Variants in PCDH15 observed in about 807,000 individuals in gnomAD.
PCDH15 encodes the protein protocadherin related 15.
A neutral mutation model predicts 178.5 loss-of-function variants in PCDH15; 129 were observed. The ratio of observed to expected loss-of-function variants is 0.72; its 90% CI spans 0.63 to 0.84. The LOEUF (loss-of-function observed/expected upper bound fraction) is 0.84, where lower values mean the gene tolerates loss of function less well. Among genes scored for constraint, PCDH15 ranks in the 40% least tolerant of loss-of-function variants. The pLI is 0.00. For missense variants in PCDH15, 2,230 were observed against 2,099.9 expected (o/e 1.06, Z -1.21); for synonymous variants, 800 against 732.0 (o/e 1.09, Z -1.50).
At chr10:54,505,103 T>A (rs182194722) in intron 3 of PCDH15, among the ~76,000 whole-genome samples, 1 of 152,226 alleles carries the variant, frequency 6.6e-6, no homozygotes, top group Non-Finnish European at 1.5e-5. Flanking sequence ...TTATAGTGAC[T>A]GTACCCAAAT....
At chr10:53,929,144 G>A (rs2084824595) in intron 25 of PCDH15, among the ~76,000 whole-genome samples, 1 of 151,860 alleles carries the variant, frequency 6.6e-6, no homozygotes, top group African/African-American at 2.4e-5. Context: ...AACCAATTTG[G>A]GATCAATGGA....
rs542736539 is a variant in PCDH15 at position 54,513,245 on chromosome 10, A to G, written c.157+14567T>C. ...TATTCCATTTCATTTATTTTTGTTT[A>G]TTTATTTATTTATTTATTTATTTAT... On this transcript the variant is annotated intron_variant, in intron 3 of 37. Coordinates refer to ENST00000644397, the MANE Select transcript of PCDH15 (RefSeq NM_001384140.1). 1.0e-2 allele frequency among the ~76,000 whole-genome samples: 973 copies of G among 97,732 alleles called. 4 individuals are homozygous for G. The highest frequency in any genetic ancestry group is 0.016 in the Non-Finnish European group (672 of 41,096). The allele number at this position is 97,732 out of a possible 152,430, so 64.1% of individuals were successfully genotyped here. A position where few individuals can be genotyped will look rare whatever the true frequency, so the allele number is the denominator to read the frequency against.
At chr10:54,962,134 T>C (rs1295768492) in intron 2 of PCDH15, among the ~76,000 whole-genome samples, 1 of 152,224 alleles carries the variant, frequency 6.6e-6, no homozygotes, top group African/African-American at 2.4e-5. Flanking sequence ...TGAAAGGAGC[T>C]GTAACACTTG....
intron 8 of PCDH15, among the ~76,000 whole-genome samples, chr10:54,296,367 G>A (rs1447718641): frequency 1.3e-5 from 2 of 151,866 alleles, no homozygotes. Flanking sequence ...CAACAAGTTG[G>A]TTGACCCTGA....
chr10:54,001,645 G>A (rs1334987072), intron 20 of PCDH15, among the ~76,000 whole-genome samples: 1 of 151,658 alleles, frequency 6.6e-6, no homozygotes, highest in Non-Finnish European at 1.5e-5. Flanking sequence ...AAGACAGGAA[G>A]GAAAGAAAGA....
At chr10:55,510,428 G>C (rs1840853310) in intron 2 of PCDH15, among the ~76,000 whole-genome samples, 1 of 151,868 alleles carries the variant, frequency 6.6e-6, no homozygotes, top group African/African-American at 2.4e-5. Context: ...AATAATTTCA[G>C]AAAAGCAATA....
intron 2 of PCDH15, chr10:54,641,169 TTG>T: frequency 4.1e-5 from 8 of 192,864 alleles, no homozygotes; most frequent in South Asian, 1.9e-4. Context: ...AAATAAAGTT[TTG>T]TGTGTGTGTA....
At chr10:54,028,945 A>AAT (rs1452017078) in intron 18 of PCDH15, among the ~76,000 whole-genome samples, 3 of 109,212 alleles carry the variant, frequency 2.7e-5, no homozygotes, top group Non-Finnish European at 5.0e-5. Context: ...TAATAATAAT[A>AAT]AAAAAAAGAC....
chr10:55,315,622 C>A (rs2132293499), intron 1 of PCDH15, among the ~76,000 whole-genome samples: 1 of 152,252 alleles, frequency 6.6e-6, no homozygotes, highest in East Asian at 1.9e-4. Context: ...TACTCATCAA[C>A]CTTGCTTTTT....
At chr10:54,864,742 T>C (rs1321306741) in intron 3 of PCDH15, 1 of 152,190 alleles carries the variant, frequency 6.6e-6, no homozygotes, top group Non-Finnish European at 1.5e-5. Context: ...TCTCTGGCCA[T>C]GTGCATTTCT....
chr10:55,062,577 T>C (rs757393191), intron 2 of PCDH15, among the ~76,000 whole-genome samples: 3 of 152,058 alleles, frequency 2.0e-5, no homozygotes, highest in Non-Finnish European at 2.9e-5. Flanking sequence ...TTGCCTGAGG[T>C]TGAAGGGAAA....
At chr10:54,823,244 C>T (rs149433331) in intron 3 of PCDH15, among the ~76,000 whole-genome samples, 64 of 152,080 alleles carry the variant, frequency 4.2e-4, no homozygotes, top group African/African-American at 1.4e-3. Context: ...CACACGCACA[C>T]GCATATACAT....
chr10:54,066,092 A>G (rs887533686), intron 18 of PCDH15, among the ~76,000 whole-genome samples: 1 of 152,192 alleles, frequency 6.6e-6, no homozygotes, highest in Non-Finnish European at 1.5e-5. Context: ...TCTGAGGTTG[A>G]TACTTCAAAT....
chr10:54,184,323 C>A (rs1284530399), intron 12 of PCDH15, among the ~76,000 whole-genome samples: 1 of 151,960 alleles, frequency 6.6e-6, no homozygotes, highest in Non-Finnish European at 1.5e-5. Context: ...TTAACTTGTG[C>A]TTTCTCTTAG....
At chr10:54,839,590 A>G (rs1953380946) in intron 3 of PCDH15, among the ~76,000 whole-genome samples, 1 of 152,122 alleles carries the variant, frequency 6.6e-6, no homozygotes, top group Admixed American at 6.6e-5. Flanking sequence ...TAGAAAGCAT[A>G]TTTTAAGAAA....
chr10:53,927,257 ATAAG>A (rs1257590325), intron 25 of PCDH15, among the ~76,000 whole-genome samples: 1 of 152,146 alleles, frequency 6.6e-6, no homozygotes, highest in Non-Finnish European at 1.5e-5. Flanking sequence ...GTCAAAGATA[ATAAG>A]TAATATCTAA....
chr10:55,126,328 C>T (rs1393490787), intron 2 of PCDH15, among the ~76,000 whole-genome samples: 1 of 152,068 alleles, frequency 6.6e-6, no homozygotes, highest in East Asian at 1.9e-4. Context: ...ATTTATAAAC[C>T]TTGTCCAAAA....
At position 55,565,339 on chromosome 10, in the gene PCDH15, T is replaced by C. The variant is rs145434171; in HGVS notation, c.-156+62286A>G. Among the ~76,000 whole-genome samples the C allele has an allele frequency of 3.6e-3, 546 of 151,738 alleles. 3 individuals carry two copies. The highest frequency in any genetic ancestry group is 0.013 in the African/African-American group (526 of 41,512). ...ACAACATGCCAAAATTTATGAGACA[T>C]AGAAAAAGCAGCGCTAAGAGAGAAA... is the stretch of plus-strand genomic sequence containing the variant. On this transcript the variant is annotated intron_variant, in intron 2 of 5. Transcript: ENST00000613346.
intron 1 of PCDH15, among the ~76,000 whole-genome samples, chr10:54,777,532 T>C (rs1949840176): frequency 1.3e-5 from 2 of 152,158 alleles, no homozygotes; most frequent in African/African-American, 4.8e-5. Context: ...AAAGCAGACA[T>C]TCCCAACAGT....
Sources: gnomAD v4.1 joint callset for allele counts (sites outside exome capture counted in the v4.1 genomes callset) on GRCh38, gnomAD v4.1.1 for gene constraint, MANE v1.5 for transcripts, NCBI Gene and HGNC (gene_info 2026-07-23, HGNC 2026-07-21) for gene names.